Variants in HABP4 observed in about 807,000 individuals in gnomAD.
The protein encoded by HABP4 is hyaluronan binding protein 4.
In HABP4, 32 loss-of-function variants were observed where a neutral mutation model predicts 44.1. The observed-to-expected ratio is 0.73, with a 90% CI of 0.55 to 0.97. The LOEUF (loss-of-function observed/expected upper bound fraction) is 0.97, where lower values mean the gene tolerates loss of function less well. Ranked by LOEUF, HABP4 falls within the 50% of genes least tolerant of loss-of-function variation. The pLI is 0.00. For missense variants in HABP4, 503 were observed against 561.9 expected (o/e 0.90, Z 1.06); for synonymous variants, 216 against 218.0 (o/e 0.99, Z 0.08).
At position 96,450,175 on chromosome 9, in the gene HABP4, C is replaced by G. The variant is rs905152293; in HGVS notation, c.-105C>G. On this transcript the variant is annotated 5_prime_UTR_variant, in exon 1 of 8. Transcript: ENST00000375249. The surrounding 1 kb of genome is among the most constrained non-coding windows in gnomAD (Gnocchi z 4.8). ...GGTAGGGGCCGGACAGGGTAGGGCC[C>G]GGAGGGCGGTGGCGGCGGAGCGGGC... 1 of 1,149,678 alleles carries G rather than the reference C, an allele frequency of 8.7e-7. No individual in the cohort carries two copies. Among genetic ancestry groups the G allele is most frequent in the Non-Finnish European group, 1.1e-6 (1 of 923,068 alleles). The allele number at this position is 1,149,678 out of a possible 1,614,324, so 71.2% of individuals were successfully genotyped here. A position where few individuals can be genotyped will look rare whatever the true frequency, so the allele number is the denominator to read the frequency against.
rs1356568410 is a variant in HABP4 at position 96,458,493 on chromosome 9, A to C, written c.464A>C (p.Glu155Ala). The change falls in exon 2 of 8, where the codon GAG (glutamate) becomes GCG (alanine). Residue 155 changes from glutamate (E) to alanine (A), a missense_variant. Glu to Ala is a moderately radical substitution (Grantham distance 107, BLOSUM62 -1). This residue lies in a region of HABP4 where 290 missense variants were observed against 300.5 expected (regional missense o/e 0.97). Transcript: ENST00000375249. ...RRSYREYRPY[E>A]TERQADFTAE... ...TCCTACAGGGAATACCGACCCTATG[A>C]GACAGAGAGGCAGGCAGACTTCACA... 6.2e-7 allele frequency: 1 copy of C among 1,613,618 alleles called. No individual in the cohort carries two copies. Among genetic ancestry groups the C allele is most frequent in the Admixed American group, 1.7e-5 (1 of 60,016 alleles).
At chr9:96,458,978 G>A (rs1832451672) in intron 2 of HABP4, among the ~76,000 whole-genome samples, 2 of 151,892 alleles carry the variant, frequency 1.3e-5, no homozygotes, top group Non-Finnish European at 2.9e-5. Flanking sequence ...TCCTAGGAAT[G>A]TTTTACTAAT....
intron 2 of HABP4, among the ~76,000 whole-genome samples, chr9:96,461,304 G>A (rs1832494750): frequency 6.6e-6 from 1 of 152,080 alleles, no homozygotes; most frequent in Non-Finnish European, 1.5e-5. Context: ...TTAATAATGG[G>A]GGGAGGGTAA....
intron 5 of HABP4, among the ~76,000 whole-genome samples, chr9:96,481,215 G>C (rs1466232020): frequency 6.6e-6 from 1 of 152,190 alleles, no homozygotes; most frequent in Admixed American, 6.5e-5. Context: ...CTCCCGAGTA[G>C]CTGGGATTAC....
intron 2 of HABP4, among the ~76,000 whole-genome samples, chr9:96,462,268 G>A (rs1054917562): frequency 4.0e-5 from 6 of 151,684 alleles, no homozygotes; most frequent in Admixed American, 6.6e-5. Flanking sequence ...CCTGGCCAAC[G>A]TGGTGAAACC....
chr9:96,456,767 AAAAAAAAAAAAAAATATATATAT>A (rs1711844325), intron 1 of HABP4, among the ~76,000 whole-genome samples: 1 of 57,328 alleles, frequency 1.7e-5, no homozygotes, highest in Non-Finnish European at 3.0e-5. Context: ...CTCAAAAAAA[AAAAAAAAAAAAAAATATATATAT>A]ATATATATAT....
At chr9:96,468,510 C>T (rs1024512890) in intron 4 of HABP4, among the ~76,000 whole-genome samples, 1 of 152,132 alleles carries the variant, frequency 6.6e-6, no homozygotes, top group African/African-American at 2.4e-5. Context: ...CCGCTCACCT[C>T]AGCCTCCCAA....
chr9:96,470,800 G>A (rs939217803), intron 4 of HABP4, among the ~76,000 whole-genome samples: 11 of 151,508 alleles, frequency 7.3e-5, no homozygotes, highest in Non-Finnish European at 1.3e-4. Context: ...AGGAGGCTGA[G>A]GGAGGAGAAT....
At chr9:96,483,712 G>T (rs1832920480) in intron 5 of HABP4, 1 of 152,144 alleles carries the variant, frequency 6.6e-6, no homozygotes, top group African/African-American at 2.4e-5. Flanking sequence ...TACTTTTGTT[G>T]CTTGTTTTTT....
intron 5 of HABP4, chr9:96,484,243 T>G (rs1832931386): frequency 4.7e-6 from 2 of 425,900 alleles, no homozygotes; most frequent in African/African-American, 4.0e-5. Context: ...AAAGATTGAT[T>G]TGAACACAGA....
At chr9:96,453,298 T>G (rs562531845) in intron 1 of HABP4, among the ~76,000 whole-genome samples, 2 of 152,128 alleles carry the variant, frequency 1.3e-5, no homozygotes, top group African/African-American at 4.8e-5. Flanking sequence ...ATGGTCTCGA[T>G]CTCTTGACCT....
chr9:96,455,912 C>G (rs561510567), intron 1 of HABP4, among the ~76,000 whole-genome samples: 1 of 150,688 alleles, frequency 6.6e-6, no homozygotes, highest in Non-Finnish European at 1.5e-5. Flanking sequence ...AAACTTAGCC[C>G]GGTATGGTGG....
intron 5 of HABP4, 41 bp downstream of exon 5, chr9:96,471,135 C>A: frequency 3.0e-6 from 3 of 1,011,478 alleles, no homozygotes; most frequent in Non-Finnish European, 4.6e-6. Context: ...TGTTGGTTCT[C>A]TTCTTAATGA....
intron 2 of HABP4, among the ~76,000 whole-genome samples, chr9:96,460,068 T>A (rs1193984608): frequency 6.6e-6 from 1 of 152,206 alleles, no homozygotes; most frequent in African/African-American, 2.4e-5. Context: ...GAAATTATAG[T>A]TCACTTGCAC....
chr9:96,458,662 C>T (rs368768408), intron 2 of HABP4, 121 bp downstream of exon 2: 8 of 671,844 alleles, frequency 1.2e-5, no homozygotes, highest in Middle Eastern at 4.3e-4. Context: ...TCGCTCTTGT[C>T]GCCCAGGCTG....
chr9:96,454,864 C>CA (rs1336402827), intron 1 of HABP4, among the ~76,000 whole-genome samples: 2 of 152,194 alleles, frequency 1.3e-5, no homozygotes, highest in South Asian at 4.1e-4. Flanking sequence ...CGCCTGTGAT[C>CA]CCAGCACTGG....
intron 4 of HABP4, among the ~76,000 whole-genome samples, chr9:96,466,768 C>G (rs1832607917): frequency 6.6e-6 from 1 of 152,212 alleles, no homozygotes; most frequent in Non-Finnish European, 1.5e-5. Context: ...TATTTCACAG[C>G]TGGAGGGATG....
At position 96,465,387 on chromosome 9, in the gene HABP4, C is replaced by CGA. The variant is rs751249599; in HGVS notation, c.567_568dup (p.Gly190GlufsTer37). Reference sequence around the variant, plus strand: ...AGACCGTTGAGAGGACGTGGAGGCCCGAGAGGGGGTATGCGCGGCAGAGGC... The same window carrying CGA: ...AGACCGTTGAGAGGACGTGGAGGCCCGAGAGAGGGGGTATGCGCGGCAGAGGC... On this transcript the variant is annotated frameshift_variant, in exon 3 of 8. Coordinates refer to ENST00000375249, the MANE Select transcript of HABP4 (RefSeq NM_014282.4). LOFTEE classifies it high-confidence loss of function. 6.2e-7 allele frequency: 1 copy of CGA among 1,609,344 alleles called. No individual in the cohort carries two copies. Among genetic ancestry groups the CGA allele is most frequent in the Non-Finnish European group, 8.5e-7 (1 of 1,175,686 alleles).
chr9:96,460,624 TTTAA>T (rs1832484934), intron 2 of HABP4, among the ~76,000 whole-genome samples: 1 of 152,248 alleles, frequency 6.6e-6, no homozygotes, highest in Admixed American at 6.5e-5. Flanking sequence ...TTTAGTCATC[TTTAA>T]TTAGGAACAG....
Sources: gnomAD v4.1 joint callset for allele counts (sites outside exome capture counted in the v4.1 genomes callset) on GRCh38, gnomAD v4.1.1 for gene constraint, gnomAD v4.1.1 regional missense constraint, Gnocchi (gnomAD v3.1) non-coding constraint, MANE v1.5 for transcripts, NCBI Gene and HGNC (gene_info 2026-07-23, HGNC 2026-07-21) for gene names.